The following RSL1D1 variants were observed in gnomAD, a reference collection of about 807,000 sequenced individuals.
RSL1D1 encodes the protein ribosomal L1 domain containing 1.
RSL1D1 carries 34 observed loss-of-function variants against 44.6 expected under a neutral mutation model. The ratio of observed to expected loss-of-function variants is 0.76; its 90% CI spans 0.58 to 1.02. RSL1D1 has a LOEUF of 1.02. Ranked by LOEUF, RSL1D1 falls within the 50% of genes least tolerant of loss-of-function variation. RSL1D1 has a pLI of 0.00. For missense variants in RSL1D1, 767 were observed against 568.1 expected, an observed-to-expected ratio of 1.35 and a Z score of -3.56; for synonymous variants, 271 against 207.4, an observed-to-expected ratio of 1.31 and a Z score of -2.63.
intron 8 of RSL1D1, 138 bp from the exon 9 acceptor site, chr16:11,838,251 T>G: frequency 2.8e-6 from 2 of 707,574 alleles, no homozygotes; most frequent in Non-Finnish European, 4.4e-6. Flanking sequence ...TAGAGTGCAA[T>G]GGCACAATCT....
Position 11,837,766 on chromosome 16 carries a change from C to T in RSL1D1, c.*21G>A. The T allele has an allele frequency of 1.3e-6, 2 of 1,579,434 alleles. No homozygotes were observed. The highest frequency in any genetic ancestry group is 1.7e-6 in the Non-Finnish European group (2 of 1,162,398). On this transcript the variant is annotated 3_prime_UTR_variant, in exon 9 of 9. Coordinates refer to ENST00000571133, the MANE Select transcript of RSL1D1 (RefSeq NM_015659.3). ...GCTCTGGAGGCAGCATTGAGGTTTC[C>T]TTCCAGTTGAATCACTGACTTTAGG...
In RSL1D1 at chr16:11,851,500, C is replaced by T. The variant is rs747192118; in HGVS notation, c.13G>A (p.Ala5Thr). The change falls in exon 1 of 9, where the codon GCC (alanine) becomes ACC (threonine). Residue 5 changes from alanine (A) to threonine (T), a missense_variant. Ala to Thr is a moderately conservative substitution (Grantham distance 58). Coordinates refer to ENST00000571133, the MANE Select transcript of RSL1D1 (RefSeq NM_015659.3). ...GCTGCAGAAGACAGCGAGGCCGAGG[C>T]CGAATCCTCCATCTTGTTTCCACCT... MEDSASASLSSAAAT... is the reference protein window; with the variant it reads MEDSTSASLSSAAAT... 3.3e-5 allele frequency: 53 copies of T among 1,613,660 alleles called. No homozygotes were observed. The highest frequency in any genetic ancestry group is 4.2e-5 in the Non-Finnish European group (50 of 1,179,964).
At chr16:11,843,093 T>TG (rs1305905655) in intron 5 of RSL1D1, among the ~76,000 whole-genome samples, 1 of 149,416 alleles carries the variant, frequency 6.7e-6, no homozygotes, top group African/African-American at 2.5e-5. Context: ...GGCTAATTTT[T>TG]TGTATTTTTT....
rs112395291 is a variant in RSL1D1, at chr16:11,850,482, A to G, written c.106-64T>C. The G allele has an allele frequency of 2.1e-3, 3,134 of 1,514,822 alleles. 64 individuals are homozygous for G. In the African/African-American group the frequency reaches 0.039, roughly 19 times the overall value. 93.8% of individuals were successfully genotyped at this position (1,514,822 alleles called of 1,614,324 possible). On this transcript the variant is annotated intron_variant, in intron 1 of 8. Transcript: ENST00000571133. ...CACAATAACTTACACAAATAAATGAAATGTTCTCAATCTAATTTAGCATTT... is the reference window on the plus strand; with the variant it reads ...CACAATAACTTACACAAATAAATGAGATGTTCTCAATCTAATTTAGCATTT...
intron 7 of RSL1D1, 32 bp from the exon 8 acceptor site, chr16:11,840,017 AG>A (rs780961753): frequency 1.2e-6 from 2 of 1,604,376 alleles, no homozygotes; most frequent in East Asian, 2.2e-5. Flanking sequence ...ACATTTTAGC[AG>A]GAACAGTTCT....
intron 5 of RSL1D1, among the ~76,000 whole-genome samples, chr16:11,843,441 G>C (rs1485656053): frequency 6.6e-6 from 1 of 152,024 alleles, no homozygotes; most frequent in Non-Finnish European, 1.5e-5. Context: ...GGCCAGAGGA[G>C]GTTCTACCTT....
At chr16:11,846,254 G>A (rs2053797038) in intron 5 of RSL1D1, among the ~76,000 whole-genome samples, 1 of 151,144 alleles carries the variant, frequency 6.6e-6, no homozygotes, top group African/African-American at 2.4e-5. Context: ...AATTAGCCGG[G>A]CGTGGTGGCA....
chr16:11,844,350 A>C (rs1295828779), intron 5 of RSL1D1, among the ~76,000 whole-genome samples: 1 of 152,210 alleles, frequency 6.6e-6, no homozygotes, highest in Non-Finnish European at 1.5e-5. Flanking sequence ...CCCCAGTGGC[A>C]GGAGACTGCT....
chr16:11,851,010 T>C (rs2053833383), intron 1 of RSL1D1: 8 of 299,618 alleles, frequency 2.7e-5, no homozygotes, highest in Non-Finnish European at 5.2e-5. Context: ...CTTCTTACCA[T>C]GTACCAGGCC....
chr16:11,846,789 G>A lies in RSL1D1; in HGVS notation c.439C>T (p.Arg147Cys), dbSNP rs778990926. The change falls in exon 4 of 9, where the codon CGC becomes TGC. Residue 147 changes from arginine (R) to cysteine (C), a missense_variant. Transcript: ENST00000571133. ...AAGAAATCAAAACTGCTCAGAAGGC[G>A]GAGCTTGGCTTCATAGGATTTATAT... Reference protein sequence around the residue: ...KEYKSYEAKLRLLSSFDFFLT... With the variant: ...KEYKSYEAKLCLLSSFDFFLT... The A allele has an allele frequency of 7.1e-5, 114 of 1,613,098 alleles. No homozygotes were observed. The highest frequency in any genetic ancestry group is 2.1e-5 in the Non-Finnish European group (25 of 1,179,292).
chr16:11,834,882 G>A lies in RSL1D1; in HGVS notation c.*2905C>T, dbSNP rs1256478468. 6.6e-6 allele frequency: 1 copy of A among 152,208 alleles called. No individual in the cohort carries two copies. Among genetic ancestry groups the A allele is most frequent in the East Asian group, 1.9e-4 (1 of 5,190 alleles). 9.4% of individuals were successfully genotyped at this position (152,208 alleles called of 1,614,324 possible). ...TAATCTGAACATTTTGGGAGGCTGA[G>A]GCAGGAGGACTTGAGCCCAGGAGTT... On this transcript the variant is annotated 3_prime_UTR_variant, in exon 9 of 9. Coordinates refer to ENST00000571133, the MANE Select transcript of RSL1D1 (RefSeq NM_015659.3).
At chr16:11,849,359 G>T (rs2053820259) in intron 2 of RSL1D1, 1 of 148,554 alleles carries the variant, frequency 6.7e-6, no homozygotes, top group African/African-American at 2.5e-5. Flanking sequence ...TTGTACTCCA[G>T]CTGGGCAACA....
In RSL1D1 at chr16:11,838,108, T is replaced by A; in HGVS notation, c.1152A>T (p.Gln384His). Residue 384 changes from glutamine (Q) to histidine (H), a missense_variant, in exon 9 of 9, where the codon CAA becomes CAT. Gln to His is a conservative substitution (Grantham distance 24). Transcript: ENST00000571133. The stretch of plus-strand genomic sequence containing the variant: ...GAGACTTCTTTCCTGTGGCATGTTT[T>A]TGAATCTAAGAAAAAAAAAAGTAAG... ...KTPANEKVEI[Q>H]KHATGKKSPA... 6.4e-7 allele frequency: 1 copy of A among 1,563,588 alleles called. No homozygotes were observed. Among genetic ancestry groups the A allele is most frequent in the Non-Finnish European group, 8.6e-7 (1 of 1,162,060 alleles).
rs571064000 is a variant in RSL1D1, at chr16:11,836,628, G to C, written c.*1159C>G. On this transcript the variant is annotated 3_prime_UTR_variant, in exon 9 of 9. Transcript: ENST00000571133. ...AAGGAGGAAGAGGATAAGGCTTATG[G>C]AAGATAAATCATGTTCTTGCCTCCG... 2.6e-5 allele frequency: 4 copies of C among 152,192 alleles called. No homozygotes were observed. The highest frequency in any genetic ancestry group is 4.4e-5 in the Non-Finnish European group (3 of 68,054). The allele number at this position is 152,192 out of a possible 1,614,324, so 9.4% of individuals were successfully genotyped here.
At chr16:11,849,500 G>A (rs904335500) in intron 2 of RSL1D1, 16 of 151,938 alleles carry the variant, frequency 1.1e-4, no homozygotes, top group South Asian at 4.1e-4. Flanking sequence ...AAAATACAAG[G>A]GTTTAACTCA....
At chr16:11,840,591 G>C (rs2053758461) in intron 7 of RSL1D1, among the ~76,000 whole-genome samples, 1 of 151,976 alleles carries the variant, frequency 6.6e-6, no homozygotes, top group Non-Finnish European at 1.5e-5. Flanking sequence ...AAAATTCATT[G>C]GACACAATTA....
At position 11,834,485 on chromosome 16, in the gene RSL1D1, T is replaced by A. The variant is rs1392973615; in HGVS notation, c.*3302A>T. 1 of 152,188 alleles carries A rather than the reference T, an allele frequency of 6.6e-6. No individual in the cohort carries two copies. Among genetic ancestry groups the A allele is most frequent in the Non-Finnish European group, 1.5e-5 (1 of 68,022 alleles). The allele number at this position is 152,188 out of a possible 1,614,324, so 9.4% of individuals were successfully genotyped here. A position where few individuals can be genotyped will look rare whatever the true frequency, so the allele number is the denominator to read the frequency against. On this transcript the variant is annotated 3_prime_UTR_variant, in exon 9 of 9. Coordinates refer to ENST00000571133, the MANE Select transcript of RSL1D1 (RefSeq NM_015659.3). ...CAAGACTGAACTACGGAGCAAAGAA[T>A]CACACAGTGTTGCAAGATCTTGAAC...
At chr16:11,845,733 T>C (rs2053793085) in intron 5 of RSL1D1, among the ~76,000 whole-genome samples, 1 of 152,042 alleles carries the variant, frequency 6.6e-6, no homozygotes. Flanking sequence ...TTTTTTTTTT[T>C]TTCATTTAAA....
At chr16:11,839,655 T>C in intron 8 of RSL1D1, 40 bp downstream of exon 8, 1 of 1,605,538 alleles carries the variant, frequency 6.2e-7, no homozygotes, top group Non-Finnish European at 8.5e-7. Context: ...CAGTAGCCAC[T>C]GAACCAATCC....
Sources: allele counts gnomAD v4.1 joint callset (sites outside exome capture counted in the v4.1 genomes callset), GRCh38; gene constraint gnomAD v4.1.1; transcripts MANE v1.5; gene names NCBI Gene and HGNC (gene_info 2026-07-23, HGNC 2026-07-21).